The following PHETA1 variants were observed in gnomAD, a reference collection of about 807,000 sequenced individuals.
PHETA1 encodes sesquipedalian-1.
For synonymous variants in PHETA1, 155 were observed against 168.9 expected (o/e 0.92, Z 0.64); for missense variants, 348 against 373.5 (o/e 0.93, Z 0.56).
At chr12:111,366,441 C>T (rs1869035446) in intron 1 of PHETA1, among the ~76,000 whole-genome samples, 184 bp from the exon 2 acceptor site, 1 of 152,116 alleles carries the variant, frequency 6.6e-6, no homozygotes, top group Admixed American at 6.6e-5. Context: ...AGCAAATGGC[C>T]CTTGGTTTCC....
chr12:111,361,799 C>A lies in PHETA1; in HGVS notation c.*879G>T. 1 of 429,004 alleles carries A rather than the reference C, an allele frequency of 2.3e-6. No individual in the cohort carries two copies. Among genetic ancestry groups the A allele is most frequent in the South Asian group, 1.6e-5 (1 of 61,830 alleles). The allele number at this position is 429,004 out of a possible 1,614,324, so 26.6% of individuals were successfully genotyped here. On this transcript the variant is annotated 3_prime_UTR_variant, in exon 3 of 3. Transcript: ENST00000683047. ...GGTGGCCTCCCCTCCCTGGGGGAACCTGCTAGAAGGTCACCTCGGGCCATG... is the reference window on the plus strand; with the variant it reads ...GGTGGCCTCCCCTCCCTGGGGGAACATGCTAGAAGGTCACCTCGGGCCATG...
rs1317164446 is a variant in PHETA1, at chr12:111,363,550, T to A, written c.-36-87A>T. 41 of 1,531,518 alleles carry A rather than the reference T, an allele frequency of 2.7e-5. No individual in the cohort carries two copies. Among genetic ancestry groups the A allele is most frequent in the Non-Finnish European group, 3.3e-5 (38 of 1,142,908 alleles). The allele number at this position is 1,531,518 out of a possible 1,614,324, so 94.9% of individuals were successfully genotyped here. The stretch of plus-strand genomic sequence containing the variant: ...AAGGGGACCTTGCAGCCACTCTACA[T>A]CCCCGTTTCACAGATGAGGAAACTG... On this transcript the variant is annotated intron_variant, in intron 2 of 2. Transcript: ENST00000683047. The surrounding 1 kb of genome is among the most constrained non-coding windows in gnomAD (Gnocchi z 7.4).
chr12:111,362,146 GAGGC>G lies in PHETA1; in HGVS notation c.*528_*531del. ...CCTCCCAGCCACCGTCCTGCTCCTG[GAGGC>G]AGGCAGGCACAGAGCCAGGCCAGCT... On this transcript the variant is annotated 3_prime_UTR_variant, in exon 3 of 3. Transcript: ENST00000683047. 2.6e-6 allele frequency: 1 copy of G among 384,768 alleles called. No individual in the cohort carries two copies. The highest frequency in any genetic ancestry group is 5.2e-6 in the Non-Finnish European group (1 of 191,944). The allele number at this position is 384,768 out of a possible 1,614,324, so 23.8% of individuals were successfully genotyped here.
Position 111,362,767 on chromosome 12 carries a change from T to C in PHETA1, c.661A>G (p.Met221Val), listed in dbSNP as rs1230937616. ...TCGTGCAGCCGGGCGAAGGGGGCCA[T>C]GTCCAGGGGCCCGTGGGGTGCCGAG... ...RASAPHGPLD[M>V]APFARLHECY... Residue 221 changes from methionine (M) to valine (V), a missense_variant, in exon 3 of 3, where the codon ATG becomes GTG. Transcript: ENST00000683047. The C allele has an allele frequency of 2.3e-5, 35 of 1,540,328 alleles. No homozygotes were observed. Among genetic ancestry groups the C allele is most frequent in the Admixed American group, 2.0e-4 (10 of 50,810 alleles).
At chr12:111,365,747 T>G in intron 2 of PHETA1, 3 of 240,760 alleles carry the variant, frequency 1.2e-5, no homozygotes, top group Non-Finnish European at 1.6e-5. Flanking sequence ...GCAGAACACA[T>G]ATCGGGGCCT....
rs768305152 is a variant in PHETA1 at position 111,361,758 on chromosome 12, AGGC to A, written c.*917_*919del. ...ACTAGGTCAGCACCTGGGCCTTCCTAGGCGGTGAGTCAGCTGGTGGCCTCCCCT... is the reference window on the plus strand; with the variant it reads ...ACTAGGTCAGCACCTGGGCCTTCCTAGGTGAGTCAGCTGGTGGCCTCCCCT... On this transcript the variant is annotated 3_prime_UTR_variant, in exon 3 of 3. Transcript: ENST00000683047. 7.8e-6 allele frequency: 3 copies of A among 384,468 alleles called. No individual in the cohort carries two copies. The highest frequency in any genetic ancestry group is 1.6e-5 in the Non-Finnish European group (3 of 193,426). The allele number at this position is 384,468 out of a possible 1,614,324, so 23.8% of individuals were successfully genotyped here. A position where few individuals can be genotyped will look rare whatever the true frequency, so the allele number is the denominator to read the frequency against.
At position 111,362,233 on chromosome 12, in the gene PHETA1, C is replaced by G. The variant is rs1319115802; in HGVS notation, c.*445G>C. The G allele has an allele frequency of 2.7e-6, 1 of 368,048 alleles. No homozygotes were observed. Among genetic ancestry groups the G allele is most frequent in the Non-Finnish European group, 5.3e-6 (1 of 188,460 alleles). 22.8% of individuals were successfully genotyped at this position (368,048 alleles called of 1,614,324 possible). A position where few individuals can be genotyped will look rare whatever the true frequency, so the allele number is the denominator to read the frequency against. On this transcript the variant is annotated 3_prime_UTR_variant, in exon 3 of 3. Coordinates refer to ENST00000683047, the MANE Select transcript of PHETA1 (RefSeq NM_144671.6). ...AGGTGTGGCTGCCATGACCGATCCT[C>G]CCTCTGTCCACCCTGAAGGCCTGGT... is the stretch of plus-strand genomic sequence containing the variant.
At position 111,360,994 on chromosome 12, in the gene PHETA1, G is replaced by C. The variant is rs1346360287; in HGVS notation, c.*1684C>G. Reference sequence around the variant, plus strand: ...CACTCAGGACTCTGGAAGGAGGTGAGCGGGGACCATACCAAGACCCCAGAG... The same window carrying C: ...CACTCAGGACTCTGGAAGGAGGTGACCGGGGACCATACCAAGACCCCAGAG... On this transcript the variant is annotated 3_prime_UTR_variant, in exon 3 of 3. Coordinates refer to ENST00000683047, the MANE Select transcript of PHETA1 (RefSeq NM_144671.6). 6.6e-6 allele frequency: 1 copy of C among 152,530 alleles called. No individual in the cohort carries two copies. Among genetic ancestry groups the C allele is most frequent in the African/African-American group, 2.4e-5 (1 of 41,466 alleles). 9.4% of individuals were successfully genotyped at this position (152,530 alleles called of 1,614,324 possible).
Position 111,363,828 on chromosome 12 carries a change from C to T in PHETA1, c.-36-365G>A, listed in dbSNP as rs1428650614. 1.9e-6 allele frequency: 2 copies of T among 1,080,312 alleles called. No individual in the cohort carries two copies. The highest frequency in any genetic ancestry group is 5.4e-5 in the Admixed American group (2 of 37,132). 66.9% of individuals were successfully genotyped at this position (1,080,312 alleles called of 1,614,324 possible). A position where few individuals can be genotyped will look rare whatever the true frequency, so the allele number is the denominator to read the frequency against. ...AGTGCAACAGATGAGGAAACAGAGG[C>T]ACAGAGAGGTTAACTGCTTCCCTGG... is the stretch of plus-strand genomic sequence containing the variant. On this transcript the variant is annotated intron_variant, in intron 2 of 2. Coordinates refer to ENST00000683047, the MANE Select transcript of PHETA1 (RefSeq NM_144671.6). This position sits in a 1 kb window ranked among gnomAD's most constrained non-coding sequence, Gnocchi z 7.4.
chr12:111,365,070 C>T (rs1243876583), intron 2 of PHETA1, among the ~76,000 whole-genome samples: 1 of 152,198 alleles, frequency 6.6e-6, no homozygotes, highest in Non-Finnish European at 1.5e-5. Context: ...CATCCACCTT[C>T]CCCCAAGGAG....
At position 111,361,126 on chromosome 12, in the gene PHETA1, T is replaced by G. The variant is rs1868572550; in HGVS notation, c.*1552A>C. On this transcript the variant is annotated 3_prime_UTR_variant, in exon 3 of 3. Transcript: ENST00000683047. ...GTGCTTCTCCAGCCCAAGCTGCCCC[T>G]CTCCCCGGGGGCAGTGACAACTGTT... The G allele has an allele frequency of 6.6e-6, 1 of 151,704 alleles. No homozygotes were observed. 9.4% of individuals were successfully genotyped at this position (151,704 alleles called of 1,614,324 possible).
rs1001373997 is a variant in PHETA1 at position 111,362,366 on chromosome 12, C to T, written c.*312G>A. 1.7e-6 allele frequency: 1 copy of T among 602,642 alleles called. No homozygotes were observed. Among genetic ancestry groups the T allele is most frequent in the African/African-American group, 1.9e-5 (1 of 53,852 alleles). The allele number at this position is 602,642 out of a possible 1,614,324, so 37.3% of individuals were successfully genotyped here. ...CAATGCCTGTTGCCAGCACAGGCCT[C>T]TGCCCGGCAGCTCAGGCCAGCCTGG... On this transcript the variant is annotated 3_prime_UTR_variant, in exon 3 of 3. Coordinates refer to ENST00000683047, the MANE Select transcript of PHETA1 (RefSeq NM_144671.6).
In PHETA1 at chr12:111,362,705, C is replaced by T. The variant is rs1468551110; in HGVS notation, c.723G>A (p.Gln241=). 4.5e-6 allele frequency: 7 copies of T among 1,548,568 alleles called. No individual in the cohort carries two copies. In the Admixed American group the frequency reaches 5.9e-5, roughly 13 times the overall value. Reference sequence around the variant, plus strand: ...AGGGCTGGACCCGGCTGCTGAGCCACTGGCCACGCAGGGCCCGGATCTCCT... The same window carrying T: ...AGGGCTGGACCCGGCTGCTGAGCCATTGGCCACGCAGGGCCCGGATCTCCT... ...YGQEIRALRG[Q]WLSSRVQP is the part of the protein sequence containing the mutation. Residue 241 remains glutamine, a synonymous_variant, in exon 3 of 3, where the codon CAG becomes CAA. Transcript: ENST00000683047.
intron 1 of PHETA1, among the ~76,000 whole-genome samples, chr12:111,366,804 G>A (rs1413080442): frequency 6.6e-6 from 1 of 151,998 alleles, no homozygotes; most frequent in Non-Finnish European, 1.5e-5. Flanking sequence ...AGGGTGCGGT[G>A]GCTCACACCT....
chr12:111,362,946 G>A lies in PHETA1; in HGVS notation c.482C>T (p.Ser161Phe). 3 of 1,484,974 alleles carry A rather than the reference G, an allele frequency of 2.0e-6. No homozygotes were observed. The highest frequency in any genetic ancestry group is 8.9e-7 in the Non-Finnish European group (1 of 1,121,308). The allele number at this position is 1,484,974 out of a possible 1,614,324, so 92.0% of individuals were successfully genotyped here. A position where few individuals can be genotyped will look rare whatever the true frequency, so the allele number is the denominator to read the frequency against. The change falls in exon 3 of 3, where the codon TCC becomes TTC. Residue 161 changes from serine to phenylalanine, a missense_variant. Transcript: ENST00000683047. ...GACCGGGGCTGGGGCAGAAGGCAGG[G>A]ATGGGACTGGGGCCAGGGCAGAGGG... is the stretch of plus-strand genomic sequence containing the variant. ...SLPSALAPVPSLPSAPAPVPA... is the reference protein window; with the variant it reads ...SLPSALAPVPFLPSAPAPVPA...
Position 111,367,483 on chromosome 12 carries a change from G to T in PHETA1, c.-181-1226C>A, listed in dbSNP as rs1354989009. 1.3e-5 allele frequency among the ~76,000 whole-genome samples: 2 copies of T among 152,206 alleles called. No homozygotes were observed. The highest frequency in any genetic ancestry group is 2.4e-5 in the African/African-American group (1 of 41,440). On this transcript the variant is annotated intron_variant, in intron 1 of 2. Coordinates refer to ENST00000683047, the MANE Select transcript of PHETA1 (RefSeq NM_144671.6). The surrounding 1 kb of genome is among the most constrained non-coding windows in gnomAD (Gnocchi z 4.0). ...CCCCACATTCACAGATGTGGAAATG[G>T]ACACAGGGAGATTCAATAAGTTGGC... is the stretch of plus-strand genomic sequence containing the variant.
intron 1 of PHETA1, among the ~76,000 whole-genome samples, chr12:111,367,000 G>C (rs1869074976): frequency 6.9e-6 from 1 of 145,024 alleles, no homozygotes; most frequent in African/African-American, 2.6e-5. Flanking sequence ...CTTGGGGGGT[G>C]ACATAGTGAG....
chr12:111,362,967 GAGGGCAGGGACGGGGGCA>G lies in PHETA1; in HGVS notation c.443_460del (p.Leu148_Pro153del), dbSNP rs1172591461. On this transcript the variant is annotated inframe_deletion, in exon 3 of 3. Coordinates refer to ENST00000683047, the MANE Select transcript of PHETA1 (RefSeq NM_144671.6). ...CAGGGATGGGACTGGGGCCAGGGCAGAGGGCAGGGACGGGGGCAAGGGCAGGGACTGGGGCTGGGGCTG... is the reference window on the plus strand; with the variant it reads ...CAGGGATGGGACTGGGGCCAGGGCAGAGGGCAGGGACTGGGGCTGGGGCTG... 1.4e-5 allele frequency: 20 copies of G among 1,481,188 alleles called. No homozygotes were observed. Among genetic ancestry groups the G allele is most frequent in the East Asian group, 7.3e-5 (3 of 41,190 alleles). The allele number at this position is 1,481,188 out of a possible 1,614,324, so 91.8% of individuals were successfully genotyped here.
At chr12:111,364,702 T>C (rs1471587403) in intron 2 of PHETA1, among the ~76,000 whole-genome samples, 1 of 150,780 alleles carries the variant, frequency 6.6e-6, no homozygotes, top group Non-Finnish European at 1.5e-5. Flanking sequence ...AGGCGGAGGT[T>C]GCAGTGAGCC....
Sources: allele counts gnomAD v4.1 joint callset (sites outside exome capture counted in the v4.1 genomes callset), GRCh38; gene constraint gnomAD v4.1.1; non-coding constraint Gnocchi (gnomAD v3.1); transcripts MANE v1.5; gene names NCBI Gene and HGNC (gene_info 2026-07-23, HGNC 2026-07-21).